The following DYM variants were observed in gnomAD, a reference collection of about 807,000 sequenced individuals.
DYM encodes the protein dyggve-Melchior-Clausen syndrome protein.
A neutral mutation model predicts 93.1 loss-of-function variants in DYM; 78 were observed. That is an observed-to-expected ratio of 0.84 (90% CI 0.70 to 1.01). The LOEUF (loss-of-function observed/expected upper bound fraction) is 1.01. Among genes scored for constraint, DYM ranks in the 50% least tolerant of loss-of-function variants. The pLI is 0.00. For synonymous variants in DYM, 321 were observed against 319.7 expected, an observed-to-expected ratio of 1.00 and a Z score of -0.04; for missense variants, 789 against 845.0, an observed-to-expected ratio of 0.93 and a Z score of 0.82.
In DYM at chr18:49,358,866, A is replaced by T. The variant is rs563102793; in HGVS notation, c.494+4295T>A. On this transcript the variant is annotated intron_variant, in intron 6 of 17. Transcript: ENST00000675505. ...AGCAACAAAAACAGATACAAAGACA[A>T]GGGAAAAAAATCTAATTTGCGTCCT... Among the ~76,000 whole-genome samples, 383 of 152,282 alleles carry T rather than the reference A, an allele frequency of 2.5e-3. 2 individuals carry two copies. The highest frequency in any genetic ancestry group is 8.7e-3 in the African/African-American group (360 of 41,564).
Position 49,430,335 on chromosome 18 carries a change from T to G in DYM, c.60A>C (p.Leu20Phe), listed in dbSNP as rs1377296919. Residue 20 changes from leucine (L) to phenylalanine (F), a missense_variant, in exon 2 of 18, where the codon TTA (leucine) becomes TTC (phenylalanine). This residue lies in a region of DYM where 450 missense variants were observed against 436.2 expected (regional missense o/e 1.03). Transcript: ENST00000675505. ...TCTCAGAGATAGATTCCGTGCCTGA[T>G]AACTTTTTCAAGTACTCATTTTTAG... ...DLPKNEYLKK[L>F]SGTESISEND... The G allele has an allele frequency of 6.2e-7, 1 of 1,614,124 alleles. No homozygotes were observed. The highest frequency in any genetic ancestry group is 1.3e-5 in the African/African-American group (1 of 75,056).
intron 8 of DYM, among the ~76,000 whole-genome samples, chr18:49,301,728 G>C (rs560628499): frequency 6.6e-6 from 1 of 152,300 alleles, no homozygotes; most frequent in African/African-American, 2.4e-5. Flanking sequence ...AAGCTGGTGA[G>C]GAAAGAAAAT....
chr18:49,311,623 A>T (rs557114252), intron 8 of DYM, among the ~76,000 whole-genome samples: 1 of 151,490 alleles, frequency 6.6e-6, no homozygotes, highest in African/African-American at 2.4e-5. Context: ...AAACCATCAC[A>T]AGGACAGAAA....
chr18:49,323,007 C>T (rs567220250), intron 8 of DYM, among the ~76,000 whole-genome samples: 1 of 152,280 alleles, frequency 6.6e-6, no homozygotes, highest in South Asian at 2.1e-4. Context: ...ATCTACAGTC[C>T]AGTACGTCCC....
At chr18:49,443,214 T>C (rs1297995558) in intron 1 of DYM, among the ~76,000 whole-genome samples, 1 of 152,358 alleles carries the variant, frequency 6.6e-6, no homozygotes, top group East Asian at 1.9e-4. Flanking sequence ...GTAAATTATA[T>C]GAAAAGAAAA....
At chr18:49,342,854 C>T (rs1431391372) in intron 6 of DYM, among the ~76,000 whole-genome samples, 1 of 152,160 alleles carries the variant, frequency 6.6e-6, no homozygotes, top group Non-Finnish European at 1.5e-5. Flanking sequence ...AGGTGTGTAG[C>T]AGGCTATAAC....
chr18:49,417,840 C>G (rs2073165275), intron 2 of DYM: 1 of 152,152 alleles, frequency 6.6e-6, no homozygotes, highest in Non-Finnish European at 1.5e-5. Flanking sequence ...GCAAGCGAAT[C>G]ACCTGAGGTC....
At chr18:49,318,139 C>T (rs1434715836) in intron 8 of DYM, among the ~76,000 whole-genome samples, 1 of 152,212 alleles carries the variant, frequency 6.6e-6, no homozygotes, top group Non-Finnish European at 1.5e-5. Flanking sequence ...AATGTTTCTC[C>T]TGGAGCCACC....
At chr18:49,141,536 C>T (rs1463049470) in intron 15 of DYM, among the ~76,000 whole-genome samples, 1 of 152,182 alleles carries the variant, frequency 6.6e-6, no homozygotes, top group Non-Finnish European at 1.5e-5. Flanking sequence ...AGAGCTCCGT[C>T]CTGCTTCAGG....
At chr18:49,208,133 A>T (rs2092610259) in intron 14 of DYM, among the ~76,000 whole-genome samples, 1 of 145,760 alleles carries the variant, frequency 6.9e-6, no homozygotes, top group African/African-American at 2.6e-5. Flanking sequence ...CAGTGAGCAG[A>T]GATTGAGTCA....
chr18:49,261,301 C>T (rs1251175125), intron 11 of DYM, among the ~76,000 whole-genome samples: 1 of 152,218 alleles, frequency 6.6e-6, no homozygotes. Flanking sequence ...TGACTGCATT[C>T]TCCACTCAGA....
Position 49,228,385 on chromosome 18 carries a change from T to C in DYM, c.1461-18670A>G, listed in dbSNP as rs1398964839. 2.0e-5 allele frequency among the ~76,000 whole-genome samples: 3 copies of C among 152,246 alleles called. No individual in the cohort carries two copies. The East Asian group carries it at 5.8e-4, about 29-fold the overall frequency. On this transcript the variant is annotated intron_variant, in intron 13 of 17. Coordinates refer to ENST00000675505, the MANE Select transcript of DYM (RefSeq NM_001353214.3). ...CTATAAATCACTGGCAACAGGAACT[T>C]ACACAATAATTCCCAAGGTCTTAAC...
At chr18:49,264,750 T>A (rs761814560) in intron 11 of DYM, among the ~76,000 whole-genome samples, 1 of 152,226 alleles carries the variant, frequency 6.6e-6, no homozygotes, top group Non-Finnish European at 1.5e-5. Context: ...GGAATAAATG[T>A]GTCACATCTC....
intron 9 of DYM, among the ~76,000 whole-genome samples, 169 bp downstream of exon 9, chr18:49,286,265 C>T (rs527890379): frequency 6.6e-6 from 1 of 152,158 alleles, no homozygotes; most frequent in Non-Finnish European, 1.5e-5. Context: ...ATAAAGGATG[C>T]TTGACCTTCC....
chr18:49,331,177 C>T (rs1249281166), intron 8 of DYM, among the ~76,000 whole-genome samples: 1 of 152,128 alleles, frequency 6.6e-6, no homozygotes, highest in Non-Finnish European at 1.5e-5. Context: ...ACTCCCAGGC[C>T]GACCTCACAA....
At chr18:49,296,208 C>G (rs1446034201) in intron 8 of DYM, among the ~76,000 whole-genome samples, 1 of 152,172 alleles carries the variant, frequency 6.6e-6, no homozygotes, top group Non-Finnish European at 1.5e-5. Context: ...GGATTACAGG[C>G]ACGAGCCACC....
At chr18:49,152,150 G>A (rs2085885907) in intron 15 of DYM, among the ~76,000 whole-genome samples, 1 of 152,004 alleles carries the variant, frequency 6.6e-6, no homozygotes, top group Admixed American at 6.5e-5. Flanking sequence ...CCAGAGAGAC[G>A]AAGGAACATA....
intron 14 of DYM, 108 bp from the exon 15 acceptor site, chr18:49,163,895 G>A (rs2087522872): frequency 2.7e-6 from 2 of 735,100 alleles, no homozygotes; most frequent in Non-Finnish European, 4.7e-6. Flanking sequence ...AAATATACTT[G>A]TAAATGATTC....
intron 3 of DYM, among the ~76,000 whole-genome samples, chr18:49,389,650 C>T (rs2068995281): frequency 6.6e-6 from 1 of 152,014 alleles, no homozygotes; most frequent in African/African-American, 2.4e-5. Flanking sequence ...GCACATGCCA[C>T]CATGCCTGGT....
Sources: gnomAD v4.1 joint callset for allele counts (sites outside exome capture counted in the v4.1 genomes callset) on GRCh38, gnomAD v4.1.1 for gene constraint, gnomAD v4.1.1 regional missense constraint, MANE v1.5 for transcripts, NCBI Gene and HGNC (gene_info 2026-07-23, HGNC 2026-07-21) for gene names.